PLXNA4: variants seen among roughly 807,000 people sequenced by gnomAD.
PLXNA4 encodes plexin-A4.
PLXNA4 carries 44 observed loss-of-function variants against 191.8 expected under a neutral mutation model. The ratio of observed to expected loss-of-function variants is 0.23; its 90% CI spans 0.18 to 0.29. The LOEUF (loss-of-function observed/expected upper bound fraction) is 0.29. PLXNA4 is among the 10% of genes least tolerant of loss of function. PLXNA4 has a pLI of 1.00. For missense variants in PLXNA4, 1,800 were observed against 2,488.8 expected, an observed-to-expected ratio of 0.72 and a Z score of 5.89; for synonymous variants, 1,082 against 1,009.5, an observed-to-expected ratio of 1.07 and a Z score of -1.36.
rs751337451 is a variant in PLXNA4 at position 132,161,371 on chromosome 7, GC to G, written c.4501-1740del. 6.6e-5 allele frequency among the ~76,000 whole-genome samples: 10 copies of G among 152,368 alleles called. No homozygotes were observed. The East Asian group carries it at 1.9e-3, about 29-fold the overall frequency. ...AGCAGTGGCCCCACAGAAGGACAGA[GC>G]CCCTGGCCACTGGCCAAGCTAGAGC... On this transcript the variant is annotated intron_variant, in intron 24 of 31. Transcript: ENST00000321063.
chr7:132,165,203 G>A lies in PLXNA4; in HGVS notation c.4287-3C>T. On this transcript the variant is annotated splice_region_variant and splice_polypyrimidine_tract_variant and intron_variant, in intron 22 of 31. Transcript: ENST00000321063. Reference sequence around the variant, plus strand: ...TCTTCTCAGCCACTGACTCAGTCCTGTCAGCAGTCACCGAGGGAACCAACG... The same window carrying A: ...TCTTCTCAGCCACTGACTCAGTCCTATCAGCAGTCACCGAGGGAACCAACG... The A allele has an allele frequency of 6.2e-7, 1 of 1,612,226 alleles. No individual in the cohort carries two copies. Among genetic ancestry groups the A allele is most frequent in the Non-Finnish European group, 8.5e-7 (1 of 1,178,868 alleles).
At chr7:132,293,562 C>T (rs976700145) in intron 4 of PLXNA4, among the ~76,000 whole-genome samples, 4 of 152,222 alleles carry the variant, frequency 2.6e-5, no homozygotes, top group Non-Finnish European at 5.9e-5. Flanking sequence ...ACCATATCAC[C>T]TGTCATTGTA....
At chr7:132,543,056 A>G (rs748124138) in intron 1 of PLXNA4, among the ~76,000 whole-genome samples, 2 of 152,210 alleles carry the variant, frequency 1.3e-5, no homozygotes, top group Non-Finnish European at 2.9e-5. Context: ...ATCTTTGATT[A>G]CATGCTGGAC....
At chr7:132,507,393 A>T in intron 2 of PLXNA4, 113 bp downstream of exon 2, 2 of 1,105,542 alleles carry the variant, frequency 1.8e-6, no homozygotes, top group Non-Finnish European at 2.5e-6. Context: ...GATGGGATAT[A>T]CTCACTTCAT....
intron 2 of PLXNA4, among the ~76,000 whole-genome samples, chr7:132,633,215 T>C (rs570888219): frequency 6.6e-6 from 1 of 151,756 alleles, no homozygotes; most frequent in Admixed American, 6.6e-5. Context: ...TAAAATTGCC[T>C]GAGACAGAGG....
chr7:132,305,695 T>G (rs1432051493), intron 3 of PLXNA4, among the ~76,000 whole-genome samples: 1 of 152,134 alleles, frequency 6.6e-6, no homozygotes, highest in Non-Finnish European at 1.5e-5. Flanking sequence ...TTTATTTACA[T>G]CCATTGAAGG....
intron 2 of PLXNA4, among the ~76,000 whole-genome samples, chr7:132,588,200 T>G (rs969175160): frequency 6.6e-6 from 1 of 152,144 alleles, no homozygotes; most frequent in Non-Finnish European, 1.5e-5. Flanking sequence ...ACCTGGAGGC[T>G]GGACAGGTTT....
chr7:132,130,095 G>T lies in PLXNA4; in HGVS notation c.*384C>A, dbSNP rs1183349259. 16 of 208,616 alleles carry T rather than the reference G, an allele frequency of 7.7e-5. No individual in the cohort carries two copies. The East Asian group carries it at 1.7e-3, about 22-fold the overall frequency. 12.9% of individuals were successfully genotyped at this position (208,616 alleles called of 1,614,324 possible). On this transcript the variant is annotated 3_prime_UTR_variant, in exon 32 of 32. Transcript: ENST00000321063. ...AGCAGGGGCTGCCAAAGTGGAAGGT[G>T]AAGTAGCAGCACAGAAATGTCCCCT... is the stretch of plus-strand genomic sequence containing the variant.
intron 5 of PLXNA4, among the ~76,000 whole-genome samples, chr7:132,229,239 T>C (rs1798440566): frequency 6.6e-6 from 1 of 152,140 alleles, no homozygotes; most frequent in African/African-American, 2.4e-5. Flanking sequence ...GGCTCTAAGG[T>C]TTGCTGTTAC....
At chr7:132,242,630 CA>C (rs572100966) in intron 4 of PLXNA4, among the ~76,000 whole-genome samples, 94 of 152,324 alleles carry the variant, frequency 6.2e-4, no homozygotes, top group African/African-American at 1.7e-3. Context: ...TTCTTTCAAG[CA>C]ACCTTTTAGC....
chr7:132,237,458 G>A (rs1015830964), intron 5 of PLXNA4, among the ~76,000 whole-genome samples: 1 of 152,182 alleles, frequency 6.6e-6, no homozygotes, highest in African/African-American at 2.4e-5. Context: ...TAGTTGCCAG[G>A]GGGCTCTCCT....
chr7:132,229,520 G>A (rs1798449795), intron 5 of PLXNA4, among the ~76,000 whole-genome samples: 3 of 152,204 alleles, frequency 2.0e-5, no homozygotes, highest in South Asian at 2.1e-4. Context: ...TACAGATTCT[G>A]TTGTGGGGTG....
Position 132,267,249 on chromosome 7 carries a change from G to A in PLXNA4, c.1504-26083C>T, listed in dbSNP as rs554261147. On this transcript the variant is annotated intron_variant, in intron 4 of 31. Transcript: ENST00000321063. ...TTGTTATGTGAGTGTTTATGTTCAG[G>A]TGTGTCAGTAGGAGGAGCCTGATGA... is the stretch of plus-strand genomic sequence containing the variant. 2.6e-5 allele frequency among the ~76,000 whole-genome samples: 4 copies of A among 152,310 alleles called. No individual in the cohort carries two copies. In the South Asian group the frequency reaches 6.2e-4, roughly 24 times the overall value.
At chr7:132,177,267 GTT>G (rs1243913936) in intron 20 of PLXNA4, among the ~76,000 whole-genome samples, 2 of 152,204 alleles carry the variant, frequency 1.3e-5, no homozygotes, top group Non-Finnish European at 2.9e-5. Flanking sequence ...GTGTGGGAGT[GTT>G]TGTAAATACA....
intron 3 of PLXNA4, among the ~76,000 whole-genome samples, chr7:132,405,072 ATGTG>A (rs55647746): frequency 1.1e-4 from 17 of 149,128 alleles, no homozygotes; most frequent in African/African-American, 9.9e-5. Context: ...GTGTGTGTGT[ATGTG>A]TGTGTGTGTG....
At chr7:132,200,899 A>G (rs944696676) in intron 12 of PLXNA4, among the ~76,000 whole-genome samples, 3 of 152,216 alleles carry the variant, frequency 2.0e-5, no homozygotes, top group African/African-American at 7.2e-5. Flanking sequence ...CTGGAAGAGA[A>G]TAATAACCTG....
intron 1 of PLXNA4, among the ~76,000 whole-genome samples, chr7:132,551,811 C>T (rs893754954): frequency 3.9e-5 from 6 of 152,228 alleles, no homozygotes; most frequent in East Asian, 1.9e-4. Flanking sequence ...TCACACCAGA[C>T]ATCGATGTTA....
intron 2 of PLXNA4, among the ~76,000 whole-genome samples, chr7:132,504,589 A>G (rs112869645): frequency 7.2e-5 from 11 of 152,344 alleles, no homozygotes; most frequent in African/African-American, 2.4e-4. Context: ...AGTTGTAACT[A>G]TGATAAAACC....
chr7:132,596,635 T>C lies in PLXNA4; in HGVS notation c.-87+49293A>G, dbSNP rs973485911. Among the ~76,000 whole-genome samples the C allele has an allele frequency of 3.9e-5, 6 of 152,206 alleles. No homozygotes were observed. In the East Asian group the frequency reaches 1.2e-3, roughly 29 times the overall value. On this transcript the variant is annotated intron_variant, in intron 2 of 4. Transcript: ENST00000378539. ...TCTTTACTTCTGAAAAATGCATTTA[T>C]GGTTGACTGCTTGCATGAATTAAAT...
Sources: allele counts gnomAD v4.1 joint callset (sites outside exome capture counted in the v4.1 genomes callset), GRCh38; gene constraint gnomAD v4.1.1; transcripts MANE v1.5; gene names NCBI Gene and HGNC (gene_info 2026-07-23, HGNC 2026-07-21).